RGS6: variants seen among roughly 807,000 people sequenced by gnomAD.
The protein encoded by RGS6 is regulator of G-protein signaling 6.
A neutral mutation model predicts 78.5 loss-of-function variants in RGS6; 30 were observed. The observed-to-expected ratio is 0.38, with a 90% CI of 0.29 to 0.52. The LOEUF (loss-of-function observed/expected upper bound fraction) is 0.52. RGS6 is among the 20% of genes least tolerant of loss of function. The pLI, the probability that RGS6 is intolerant of heterozygous loss-of-function variation, is 0.85. For missense variants in RGS6, 495 were observed against 609.7 expected, an observed-to-expected ratio of 0.81 and a Z score of 1.98; for synonymous variants, 206 against 206.0, an observed-to-expected ratio of 1.00 and a Z score of 0.00.
chr14:72,043,264 T>C (rs1424875320), intron 2 of RGS6, among the ~76,000 whole-genome samples: 9 of 152,268 alleles, frequency 5.9e-5, no homozygotes, highest in Non-Finnish European at 1.3e-4. Context: ...TGTACAACTT[T>C]CTTTAGTAAC....
At chr14:72,444,797 G>A (rs78408727) in intron 3 of RGS6, among the ~76,000 whole-genome samples, 79 of 14,236 alleles carry the variant, frequency 5.5e-3, no homozygotes, top group East Asian at 0.083. Flanking sequence ...GTTTAGGAGT[G>A]CATATGGCAG....
downstream of RGS6, among the ~76,000 whole-genome samples, chr14:72,568,705 C>T (rs2097716880): frequency 6.6e-6 from 1 of 152,208 alleles, no homozygotes; most frequent in South Asian, 2.1e-4. Flanking sequence ...TCTAGATCCC[C>T]GTTTGTCTGA....
chr14:72,118,335 T>G (rs2095958076), intron 2 of RGS6, among the ~76,000 whole-genome samples: 1 of 152,152 alleles, frequency 6.6e-6, no homozygotes, highest in African/African-American at 2.4e-5. Flanking sequence ...CTCTGTGGAT[T>G]ATTTCCCTCC....
intron 2 of RGS6, among the ~76,000 whole-genome samples, chr14:72,130,581 T>G (rs1420084260): frequency 6.6e-6 from 1 of 152,120 alleles, no homozygotes. Flanking sequence ...TTTCAAATGG[T>G]TTTTGAAGCT....
At chr14:72,409,839 T>G (rs1043043184) in intron 3 of RGS6, among the ~76,000 whole-genome samples, 3 of 152,218 alleles carry the variant, frequency 2.0e-5, no homozygotes, top group Non-Finnish European at 4.4e-5. Flanking sequence ...TTGCAATAGT[T>G]TGCTGAGAAT....
chr14:72,434,997 C>A (rs1348257806), intron 3 of RGS6, among the ~76,000 whole-genome samples: 1 of 152,194 alleles, frequency 6.6e-6, no homozygotes, highest in African/African-American at 2.4e-5. Flanking sequence ...TGACTGATAG[C>A]TGAGTGAGTT....
chr14:72,031,844 AC>A (rs149925183), intron 2 of RGS6, among the ~76,000 whole-genome samples: 6,650 of 152,276 alleles, frequency 0.044, 177 homozygotes, highest in African/African-American at 0.078. Flanking sequence ...TACTGACAAC[AC>A]TTTTTTAAAT....
chr14:71,945,830 C>CA (rs2091431626), intron 1 of RGS6, among the ~76,000 whole-genome samples: 1 of 151,946 alleles, frequency 6.6e-6, no homozygotes, highest in South Asian at 2.1e-4. Flanking sequence ...TAACCAATTT[C>CA]AATTAGAAAA....
At chr14:72,096,842 G>A (rs1335683967) in intron 2 of RGS6, among the ~76,000 whole-genome samples, 2 of 152,182 alleles carry the variant, frequency 1.3e-5, no homozygotes, top group Non-Finnish European at 2.9e-5. Flanking sequence ...CCAAGGACGT[G>A]GATACCTAGA....
At chr14:72,586,267 C>T in the RGS6 span, among the ~76,000 whole-genome samples, 1 of 152,278 alleles carries the variant, frequency 6.6e-6, no homozygotes, top group South Asian at 2.1e-4. Context: ...GGCATGGTGG[C>T]CGGTGTTTGG....
intron 3 of RGS6, among the ~76,000 whole-genome samples, chr14:72,416,220 A>G (rs77997460): frequency 2.1e-3 from 316 of 152,284 alleles, no homozygotes; most frequent in African/African-American, 7.3e-3. Context: ...AATAAATAAC[A>G]GAGCACTGTG....
chr14:72,226,759 G>A lies in RGS6; in HGVS notation c.85-125336G>A, dbSNP rs2048217666. 2.0e-5 allele frequency among the ~76,000 whole-genome samples: 3 copies of A among 152,164 alleles called. No homozygotes were observed. The South Asian group carries it at 6.2e-4, about 32-fold the overall frequency. On this transcript the variant is annotated intron_variant, in intron 2 of 17. Coordinates refer to ENST00000553525, the MANE Select transcript of RGS6 (RefSeq NM_001204424.2). The stretch of plus-strand genomic sequence containing the variant: ...GCTGTGTAGCCCAGGCTGGAGTGCA[G>A]TGGCGCAATCTTGGCTCACTGCAAC...
intron 2 of RGS6, among the ~76,000 whole-genome samples, chr14:72,204,616 C>G (rs1231403522): frequency 7.2e-5 from 11 of 152,224 alleles, no homozygotes; most frequent in Non-Finnish European, 2.9e-5. Flanking sequence ...TGAGGGCCTG[C>G]ATCCTCACAG....
At chr14:71,919,039 AC>A in the RGS6 span, among the ~76,000 whole-genome samples, 2 of 151,754 alleles carry the variant, frequency 1.3e-5, no homozygotes, top group Admixed American at 1.3e-4. Context: ...TATATGATCT[AC>A]CCCAGTGCTT....
chr14:72,494,882 A>G (rs753897061), intron 12 of RGS6, among the ~76,000 whole-genome samples: 4 of 152,194 alleles, frequency 2.6e-5, no homozygotes, highest in Non-Finnish European at 4.4e-5. Flanking sequence ...GGAGAGATGC[A>G]CCAAGGTTCA....
At position 72,373,460 on chromosome 14, in the gene RGS6, G is replaced by C. The variant is rs148218539; in HGVS notation, c.184+21266G>C. On this transcript the variant is annotated intron_variant, in intron 3 of 17. Coordinates refer to ENST00000553525, the MANE Select transcript of RGS6 (RefSeq NM_001204424.2). ...TTAGAGGCCTTAAAATAGAAAGTGA[G>C]AATTCAGGAAAGTAGACTCGTTTTA... is the stretch of plus-strand genomic sequence containing the variant. Among the ~76,000 whole-genome samples the C allele has an allele frequency of 5.1e-3, 776 of 152,240 alleles. 11 individuals carry two copies. The highest frequency in any genetic ancestry group is 0.017 in the African/African-American group (713 of 41,530).
the RGS6 span, among the ~76,000 whole-genome samples, chr14:71,914,738 A>G: frequency 2.0e-5 from 3 of 151,956 alleles, no homozygotes; most frequent in East Asian, 1.9e-4. Flanking sequence ...TGTGGTACCA[A>G]CTTCTTTACG....
chr14:72,260,857 A>G (rs192074997), intron 2 of RGS6, among the ~76,000 whole-genome samples: 118 of 152,326 alleles, frequency 7.7e-4, no homozygotes, highest in Non-Finnish European at 1.2e-3. Flanking sequence ...AAAGATGTTC[A>G]GTGGTTGACA....
intron 2 of RGS6, among the ~76,000 whole-genome samples, chr14:72,300,534 CTTAT>C (rs1348386107): frequency 6.6e-6 from 1 of 152,166 alleles, no homozygotes; most frequent in Non-Finnish European, 1.5e-5. Flanking sequence ...GAGTTTTTGG[CTTAT>C]TTGTTAAACA....
Sources: allele counts gnomAD v4.1 joint callset (sites outside exome capture counted in the v4.1 genomes callset), GRCh38; gene constraint gnomAD v4.1.1; transcripts MANE v1.5; gene names NCBI Gene and HGNC (gene_info 2026-07-23, HGNC 2026-07-21).